VPS13C: variants seen among roughly 807,000 people sequenced by gnomAD.
The protein encoded by VPS13C is intermembrane lipid transfer protein VPS13C.
In VPS13C, 358 loss-of-function variants were observed where a neutral mutation model predicts 456.8. That is an observed-to-expected ratio of 0.78 (90% confidence interval 0.72 to 0.86). VPS13C has a LOEUF of 0.86. Ranked by LOEUF, VPS13C falls within the 40% of genes least tolerant of loss-of-function variation. The pLI, the probability that VPS13C is intolerant of heterozygous loss-of-function variation, is 0.00. For synonymous variants in VPS13C, 1,578 were observed against 1,486.7 expected (o/e 1.06, Z -1.41); for missense variants, 4,818 against 4,385.4 (o/e 1.10, Z -2.79).
At chr15:61,881,700 A>T in intron 70 of VPS13C, 47 bp downstream of exon 70, 1 of 1,601,002 alleles carries the variant, frequency 6.2e-7, no homozygotes, top group Non-Finnish European at 8.5e-7. Flanking sequence ...TGCCTATTTA[A>T]CTTTTATAAA....
In VPS13C at chr15:61,922,761, A is replaced by T. The variant is rs201438240; in HGVS notation, c.6611T>A (p.Ile2204Asn). The change falls in exon 54 of 85, where the codon ATT becomes AAT. Residue 2204 changes from isoleucine (I) to asparagine (N), a missense_variant and splice_region_variant. Around this residue, in one of 3 missense-constraint regions of VPS13C, gnomAD observed 4,552 missense variants for 4,130.6 expected, o/e 1.10. Transcript: ENST00000644861. ...CACAGTATTAAGAATTATGGGTGAA[A>T]TCTTTAAAAAAGAAAGCAGAAAAAT... is the stretch of plus-strand genomic sequence containing the variant. ...NIMVKEFIIK[I>N]SPIILNTVLT... 14 of 1,560,840 alleles carry T rather than the reference A, an allele frequency of 9.0e-6. No individual in the cohort carries two copies. The highest frequency in any genetic ancestry group is 1.2e-5 in the Non-Finnish European group (14 of 1,159,680).
chr15:61,957,439 T>C (rs2045041886), intron 37 of VPS13C, among the ~76,000 whole-genome samples: 1 of 152,144 alleles, frequency 6.6e-6, no homozygotes, highest in African/African-American at 2.4e-5. Context: ...ATTTGTATAC[T>C]TCACTGTATG....
At chr15:61,884,355 T>G in intron 67 of VPS13C, 86 bp from the exon 68 acceptor site, 1 of 1,375,800 alleles carries the variant, frequency 7.3e-7, no homozygotes, top group Non-Finnish European at 9.8e-7. Context: ...TTGTAACTAT[T>G]ATTTTCCTAT....
chr15:61,971,505 C>G (rs910749016), intron 27 of VPS13C, among the ~76,000 whole-genome samples: 5 of 152,176 alleles, frequency 3.3e-5, no homozygotes, highest in African/African-American at 1.2e-4. Context: ...AGATGATCCA[C>G]CCACCTCGGG....
chr15:61,890,373 C>T lies in VPS13C; in HGVS notation c.9133G>A (p.Ala3045Thr), dbSNP rs865903493. 25 of 1,613,782 alleles carry T rather than the reference C, an allele frequency of 1.5e-5. No individual in the cohort carries two copies. Among genetic ancestry groups the T allele is most frequent in the Non-Finnish European group, 2.0e-5 (24 of 1,179,986 alleles). The change falls in exon 67 of 85, where the codon GCA becomes ACA. Residue 3045 changes from alanine to threonine, a missense_variant. Around this residue, in one of 3 missense-constraint regions of VPS13C, gnomAD observed 4,552 missense variants for 4,130.6 expected, o/e 1.10. Coordinates refer to ENST00000644861, the MANE Select transcript of VPS13C (RefSeq NM_020821.3). ...KDGCGQFPYDANIQIHWVSFL... is the reference protein window; with the variant it reads ...KDGCGQFPYDTNIQIHWVSFL... The stretch of plus-strand genomic sequence containing the variant: ...GATACCCAGTGTATCTGGATGTTTG[C>T]ATCATATGGAAACTGTCCACATCCA...
At chr15:61,936,533 CTAAATA>C (rs2044231478) in intron 48 of VPS13C, 58 bp downstream of exon 48, 13 of 1,434,510 alleles carry the variant, frequency 9.1e-6, no homozygotes, top group African/African-American at 1.4e-5. Context: ...TAGAAAAATA[CTAAATA>C]TAAATATGAC....
At position 61,886,127 on chromosome 15, in the gene VPS13C, C is replaced by G. The variant is rs117085485; in HGVS notation, c.9342-1858G>C. Among the ~76,000 whole-genome samples, 33 of 152,236 alleles carry G rather than the reference C, an allele frequency of 2.2e-4. No individual in the cohort carries two copies. In the East Asian group the frequency reaches 6.4e-3, roughly 29 times the overall value. ...GCAATCAGACACAATTCAATTAACT[C>G]ACTATTGGTAAAAGACTTTCCTGGC... On this transcript the variant is annotated intron_variant, in intron 67 of 84. Transcript: ENST00000644861.
At chr15:62,013,507 G>A (rs2140519479) in intron 10 of VPS13C, among the ~76,000 whole-genome samples, 1 of 151,910 alleles carries the variant, frequency 6.6e-6, no homozygotes. Context: ...CAACAAGGTG[G>A]GAAAGCTACA....
At chr15:61,856,450 A>T (rs1224733441) in intron 82 of VPS13C, 41 bp from the exon 83 acceptor site, 1 of 1,608,122 alleles carries the variant, frequency 6.2e-7, no homozygotes, top group Admixed American at 1.7e-5. Flanking sequence ...GTAAATGATG[A>T]AGACAGTTTA....
At chr15:61,975,731 C>T (rs950124767) in intron 24 of VPS13C, among the ~76,000 whole-genome samples, 26 of 152,006 alleles carry the variant, frequency 1.7e-4, no homozygotes, top group Middle Eastern at 3.2e-3. Context: ...TACACAGTAT[C>T]TTCCAGAAAA....
chr15:61,893,409 G>C (rs190692306), intron 66 of VPS13C, among the ~76,000 whole-genome samples: 211 of 152,152 alleles, frequency 1.4e-3, no homozygotes, highest in African/African-American at 4.9e-3. Context: ...ACATGACAGA[G>C]AGATAAAGTT....
intron 51 of VPS13C, among the ~76,000 whole-genome samples, chr15:61,927,739 G>GCACAC (rs1168935208): frequency 6.6e-6 from 1 of 152,128 alleles, no homozygotes. Context: ...AAAGACACAT[G>GCACAC]CACACGTATG....
chr15:62,051,453 A>T (rs769405918), intron 1 of VPS13C, among the ~76,000 whole-genome samples: 24 of 152,256 alleles, frequency 1.6e-4, no homozygotes, highest in Non-Finnish European at 1.0e-4. Context: ...CAAGAATCCT[A>T]TGGCAACCTA....
chr15:61,868,469 G>GA (rs869114186), intron 81 of VPS13C, among the ~76,000 whole-genome samples, 190 bp downstream of exon 81: 2 of 150,802 alleles, frequency 1.3e-5, no homozygotes, highest in African/African-American at 2.4e-5. Flanking sequence ...CTCCCATGTA[G>GA]AAAAAAAATC....
intron 61 of VPS13C, 88 bp downstream of exon 61, chr15:61,915,545 T>A: frequency 7.4e-7 from 1 of 1,349,214 alleles, no homozygotes; most frequent in East Asian, 2.4e-5. Context: ...GCAAATAGGT[T>A]AGCATGGTTT....
Position 61,962,815 on chromosome 15 carries a change from C to T in VPS13C, c.3369G>A (p.Gln1123=). The change falls in exon 33 of 85, where the codon CAG becomes CAA. Residue 1123 remains glutamine, a synonymous_variant. Transcript: ENST00000644861. ...DSSLSLQSRK[Q]SLFARLENII... is the part of the protein sequence containing the mutation. ...TATTTTCTAGTCGGGCAAAAAGTGACTGCTTTCTTGACTGGAGAGAAAGGG... is the reference window on the plus strand; with the variant it reads ...TATTTTCTAGTCGGGCAAAAAGTGATTGCTTTCTTGACTGGAGAGAAAGGG... The T allele has an allele frequency of 6.2e-7, 1 of 1,606,730 alleles. No individual in the cohort carries two copies. Among genetic ancestry groups the T allele is most frequent in the South Asian group, 1.1e-5 (1 of 89,754 alleles).
intron 20 of VPS13C, 102 bp downstream of exon 20, chr15:61,983,718 T>C (rs1266300681): frequency 1.6e-6 from 2 of 1,247,542 alleles, no homozygotes; most frequent in African/African-American, 1.5e-5. Context: ...AACTTACTTA[T>C]TAAGTAAATA....
intron 15 of VPS13C, among the ~76,000 whole-genome samples, chr15:62,006,711 A>C (rs1159105693): frequency 6.6e-6 from 1 of 152,172 alleles, no homozygotes; most frequent in Non-Finnish European, 1.5e-5. Flanking sequence ...ACTAGTTTAC[A>C]ATCCCACCAA....
At chr15:61,997,796 C>T (rs1311351173) in intron 16 of VPS13C, among the ~76,000 whole-genome samples, 1 of 152,136 alleles carries the variant, frequency 6.6e-6, no homozygotes, top group East Asian at 1.9e-4. Flanking sequence ...CACCACTCAT[C>T]TCAACTATTT....
Sources: allele counts gnomAD v4.1 joint callset (sites outside exome capture counted in the v4.1 genomes callset), GRCh38; gene constraint gnomAD v4.1.1; regional missense constraint gnomAD v4.1.1; transcripts MANE v1.5; gene names NCBI Gene and HGNC (gene_info 2026-07-23, HGNC 2026-07-21).